Variants in SLC38A5 observed in about 807,000 individuals in gnomAD.
The protein encoded by SLC38A5 is sodium-coupled neutral amino acid transporter 5.
Under a neutral mutation model 34.6 loss-of-function variants are expected in SLC38A5, and 9 were observed. That is an observed-to-expected ratio of 0.26 (90% CI 0.16 to 0.45). SLC38A5 has a LOEUF of 0.45. Ranked by LOEUF, SLC38A5 falls within the 20% of genes least tolerant of loss-of-function variation. SLC38A5 has a pLI of 1.00. For synonymous variants in SLC38A5, 157 were observed against 155.6 expected, an observed-to-expected ratio of 1.01 and a Z score of -0.07; for missense variants, 253 against 394.7, an observed-to-expected ratio of 0.64 and a Z score of 3.04.
intron 2 of SLC38A5, chrX:48,468,662 C>G: frequency 1.1e-5 from 2 of 183,962 alleles, no homozygotes; most frequent in Non-Finnish European, 1.7e-5. Flanking sequence ...CAGGGACTCC[C>G]ATTTGACCCC....
At chrX:48,468,226 C>G (rs1454531285) in intron 2 of SLC38A5, 11 of 982,717 alleles carry the variant, frequency 1.1e-5, no homozygotes, top group East Asian at 8.6e-5. Context: ...CAGAAAGCTA[C>G]AGAGAGAGCC....
At chrX:48,468,756 T>C in intron 2 of SLC38A5, 2 of 560,928 alleles carry the variant, frequency 3.6e-6, no homozygotes, top group Non-Finnish European at 4.3e-6. Context: ...TTGGAGACAC[T>C]GCCAGACTTG....
At chrX:48,469,565 G>A (rs1447230836) in intron 1 of SLC38A5, 129 bp from the exon 2 acceptor site, 2 of 111,960 alleles carry the variant, frequency 1.8e-5, no homozygotes, top group South Asian at 3.7e-4. Flanking sequence ...TGTGTTGATG[G>A]TGGGGGAAAT....
At chrX:48,468,456 C>G (rs930582795) in intron 2 of SLC38A5, 1 of 740,368 alleles carries the variant, frequency 1.4e-6, no homozygotes, top group Non-Finnish European at 1.6e-6. Context: ...GCCCTCACCC[C>G]CCTCCTTCCC....
In SLC38A5 at chrX:48,461,581, C is replaced by T. The variant is rs2061434642; in HGVS notation, c.851+137G>A. On this transcript the variant is annotated intron_variant, in intron 12 of 16. Transcript: ENST00000620913. ...CCTGAGTGCCCCAAGACCTCCTGGC[C>T]ACCCCAAACCCCTCCCATGACACAA... The T allele has an allele frequency of 9.5e-6, 6 of 629,847 alleles. No homozygotes were observed. In the South Asian group the frequency reaches 2.0e-4, roughly 21 times the overall value. 51.9% of individuals were successfully genotyped at this position (629,847 alleles called of 1,213,427 possible).
intron 14 of SLC38A5, among the ~76,000 whole-genome samples, chrX:48,460,112 C>T (rs782736333): frequency 9.9e-5 from 11 of 111,392 alleles, no homozygotes; most frequent in African/African-American, 3.6e-4. Flanking sequence ...CCCATCGGCA[C>T]CTGCACCCAC....
intron 5 of SLC38A5, 35 bp from the exon 6 acceptor site, chrX:48,466,907 G>C: frequency 8.3e-7 from 1 of 1,204,486 alleles, no homozygotes; most frequent in Non-Finnish European, 1.1e-6. Context: ...CCTGGCCCCA[G>C]GCCTCCCACC....
Position 48,469,391 on chromosome X carries a change from T to G in SLC38A5, c.-58A>C, listed in dbSNP as rs1556964466. 9.1e-6 allele frequency: 1 copy of G among 109,878 alleles called. No individual in the cohort carries two copies. Among genetic ancestry groups the G allele is most frequent in the African/African-American group, 3.3e-5 (1 of 30,118 alleles). 9.1% of individuals were successfully genotyped at this position (109,878 alleles called of 1,213,427 possible). On this transcript the variant is annotated 5_prime_UTR_variant, in exon 2 of 17. Coordinates refer to ENST00000620913, the MANE Select transcript of SLC38A5 (RefSeq NM_033518.4). Reference sequence around the variant, plus strand: ...CTCAGACTCAGGTTCGGGCACCCTCTCGGCTGCCTAGGCTCCTGCTCTGGA... The same window carrying G: ...CTCAGACTCAGGTTCGGGCACCCTCGCGGCTGCCTAGGCTCCTGCTCTGGA...
intron 15 of SLC38A5, 42 bp downstream of exon 15, chrX:48,459,690 C>A: frequency 8.4e-7 from 1 of 1,195,937 alleles, no homozygotes; most frequent in Non-Finnish European, 1.1e-6. Context: ...GGGACAAGGC[C>A]CATATTAGAT....
At position 48,458,825 on chromosome X, in the gene SLC38A5, C is replaced by G; in HGVS notation, c.*108G>C. On this transcript the variant is annotated 3_prime_UTR_variant, in exon 17 of 17. Transcript: ENST00000620913. Reference sequence around the variant, plus strand: ...TGCTGTCCCCCGCCTCTGACAACCACGTTCATGGGAACCAGCCACCTCCAC... The same window carrying G: ...TGCTGTCCCCCGCCTCTGACAACCAGGTTCATGGGAACCAGCCACCTCCAC... The G allele has an allele frequency of 9.1e-7, 1 of 1,098,739 alleles. No individual in the cohort carries two copies. Among genetic ancestry groups the G allele is most frequent in the Non-Finnish European group, 1.2e-6 (1 of 838,628 alleles). The allele number at this position is 1,098,739 out of a possible 1,213,427, so 90.5% of individuals were successfully genotyped here. A position where few individuals can be genotyped will look rare whatever the true frequency, so the allele number is the denominator to read the frequency against.
At chrX:48,460,482 C>T (rs782480952) in intron 14 of SLC38A5, among the ~76,000 whole-genome samples, 167 bp downstream of exon 14, 51 of 111,937 alleles carry the variant, frequency 4.6e-4, no homozygotes, top group African/African-American at 1.6e-3. Flanking sequence ...TTCTGTTTAT[C>T]GATTTTTGCC....
rs1556962968 is a variant in SLC38A5 at position 48,465,477 on chromosome X, ACACT to A, written c.491+534_491+537del. On this transcript the variant is annotated intron_variant, in intron 8 of 16. Coordinates refer to ENST00000620913, the MANE Select transcript of SLC38A5 (RefSeq NM_033518.4). ...ACACACTGCTGGAGTCAGCGATCAC[ACACT>A]CACAGCTAGACGGAGTCAGTGATCA... 3.6e-5 allele frequency among the ~76,000 whole-genome samples: 4 copies of A among 112,122 alleles called. No homozygotes were observed. The East Asian group carries it at 1.1e-3, about 31-fold the overall frequency.
chrX:48,466,735 T>C, intron 6 of SLC38A5, 64 bp downstream of exon 6: 1 of 1,085,116 alleles, frequency 9.2e-7, no homozygotes, highest in Admixed American at 2.6e-5. Flanking sequence ...GCTCTGGATG[T>C]GGCTCCAGAG....
In SLC38A5 at chrX:48,459,551, G is replaced by A. The variant is rs782573868; in HGVS notation, c.1302C>T (p.Ser434=). ...GAATGCTTACCTGGATCTTGGGCCA[G>A]GATAAGAAAGGCTCCACCTCAGAGG... is the stretch of plus-strand genomic sequence containing the variant. ...IVPSEVEPFL[S]WPKIQALCFG... Residue 434 remains serine (S), a synonymous_variant, in exon 16 of 17, where the codon TCC becomes TCT. Coordinates refer to ENST00000620913, the MANE Select transcript of SLC38A5 (RefSeq NM_033518.4). 1.7e-5 allele frequency: 19 copies of A among 1,116,166 alleles called. No individual in the cohort carries two copies. Among genetic ancestry groups the A allele is most frequent in the Non-Finnish European group, 2.1e-5 (18 of 851,031 alleles). The allele number at this position is 1,116,166 out of a possible 1,213,427, so 92.0% of individuals were successfully genotyped here. A position where few individuals can be genotyped will look rare whatever the true frequency, so the allele number is the denominator to read the frequency against.
In SLC38A5 at chrX:48,458,771, A is replaced by T; in HGVS notation, c.*162T>A. 9.5e-7 allele frequency: 1 copy of T among 1,056,640 alleles called. No individual in the cohort carries two copies. Among genetic ancestry groups the T allele is most frequent in the Non-Finnish European group, 1.2e-6 (1 of 819,507 alleles). The allele number at this position is 1,056,640 out of a possible 1,213,427, so 87.1% of individuals were successfully genotyped here. The stretch of plus-strand genomic sequence containing the variant: ...TGATCCAAGCTTGGCATCCCTGGGG[A>T]GGAGGGAAGTGGGCCAGTCTGCAGC... On this transcript the variant is annotated 3_prime_UTR_variant, in exon 17 of 17. Coordinates refer to ENST00000620913, the MANE Select transcript of SLC38A5 (RefSeq NM_033518.4).
intron 8 of SLC38A5, among the ~76,000 whole-genome samples, chrX:48,463,401 G>C (rs1354027323): frequency 9.0e-6 from 1 of 110,996 alleles, no homozygotes; most frequent in South Asian, 3.8e-4. Flanking sequence ...TCAGGAGTTT[G>C]AGACCAGCCT....
In SLC38A5 at chrX:48,462,018, C is replaced by T; in HGVS notation, c.760G>A (p.Val254Ile). ...GCCTGCACACACACCTGTGAGTCAA[C>T]TGTGAACATCTGGGCCTCACAGCTG... ...NSSCEAQMFT[V>I]DSQMSYTVPI... The change falls in exon 11 of 17, where the codon GTT becomes ATT. Residue 254 changes from valine to isoleucine, a missense_variant. This residue lies in a region of SLC38A5 where 176 missense variants were observed against 273.0 expected (regional missense o/e 0.64). Transcript: ENST00000620913. 1 of 1,152,520 alleles carries T rather than the reference C, an allele frequency of 8.7e-7. No homozygotes were observed. The highest frequency in any genetic ancestry group is 3.0e-5 in the East Asian group (1 of 33,328). The allele number at this position is 1,152,520 out of a possible 1,213,427, so 95.0% of individuals were successfully genotyped here.
chrX:48,461,818 A>G, intron 11 of SLC38A5, 21 bp from the exon 12 acceptor site: 1 of 1,199,910 alleles, frequency 8.3e-7, no homozygotes, highest in Non-Finnish European at 1.1e-6. Context: ...GCCCGAGTAC[A>G]TGGGATTAGA....
intron 14 of SLC38A5, among the ~76,000 whole-genome samples, chrX:48,460,389 T>C (rs781820186): frequency 1.8e-5 from 2 of 111,697 alleles, no homozygotes; most frequent in South Asian, 7.5e-4. Flanking sequence ...CTCTTCTTTC[T>C]AGCCATCCAT....
Sources: gnomAD v4.1 joint callset for allele counts (sites outside exome capture counted in the v4.1 genomes callset) on GRCh38, gnomAD v4.1.1 for gene constraint, gnomAD v4.1.1 regional missense constraint, MANE v1.5 for transcripts, NCBI Gene and HGNC (gene_info 2026-07-23, HGNC 2026-07-21) for gene names.